UGGT1: variants seen among roughly 807,000 people sequenced by gnomAD.
The protein encoded by UGGT1 is UDP-glucose:glycoprotein glucosyltransferase 1.
UGGT1 carries 107 observed loss-of-function variants against 203.9 expected under a neutral mutation model. That is an observed-to-expected ratio of 0.52 (90% CI 0.45 to 0.62). UGGT1 has a LOEUF of 0.62. Among genes scored for constraint, UGGT1 ranks in the 20% least tolerant of loss-of-function variants. UGGT1 has a pLI of 0.00. For synonymous variants in UGGT1, 628 were observed against 653.5 expected, an observed-to-expected ratio of 0.96 and a Z score of 0.59; for missense variants, 1,673 against 1,867.2, an observed-to-expected ratio of 0.90 and a Z score of 1.92.
At chr2:128,168,403 A>C (rs1484905418) in intron 26 of UGGT1, among the ~76,000 whole-genome samples, 1 of 152,258 alleles carries the variant, frequency 6.6e-6, no homozygotes, top group Non-Finnish European at 1.5e-5. Context: ...GGTTATTTCC[A>C]AAGCAGTGAA....
intron 25 of UGGT1, 35 bp downstream of exon 25, chr2:128,161,303 T>C (rs781384101): frequency 6.2e-7 from 1 of 1,606,630 alleles, no homozygotes; most frequent in East Asian, 2.2e-5. Flanking sequence ...ACAGGGGTTA[T>C]ATAATTGGAC....
At position 128,195,125 on chromosome 2, in the gene UGGT1, A is replaced by G. The variant is rs1193762688; in HGVS notation, c.*5383A>G. ...TGTAATCCTAGCACCTTGGGAGGCC[A>G]AGGCAGGCGGATCACCCGAGGTCAG... On this transcript the variant is annotated 3_prime_UTR_variant, in exon 41 of 41. Transcript: ENST00000259253. 6.6e-6 allele frequency: 1 copy of G among 152,300 alleles called. No homozygotes were observed. The highest frequency in any genetic ancestry group is 1.9e-4 in the East Asian group (1 of 5,194). The allele number at this position is 152,300 out of a possible 1,614,324, so 9.4% of individuals were successfully genotyped here.
chr2:128,123,181 C>T lies in UGGT1; in HGVS notation c.1074-5C>T, dbSNP rs749447241. The T allele has an allele frequency of 1.9e-6, 3 of 1,611,310 alleles. No homozygotes were observed. Among genetic ancestry groups the T allele is most frequent in the Admixed American group, 1.7e-5 (1 of 59,826 alleles). Reference sequence around the variant, plus strand: ...CAAGCACTCATAATGTTTTTATTTCCTTAGAGCAATAACAAAAACAGCTGT... The same window carrying T: ...CAAGCACTCATAATGTTTTTATTTCTTTAGAGCAATAACAAAAACAGCTGT... On this transcript the variant is annotated splice_polypyrimidine_tract_variant and splice_region_variant and intron_variant, in intron 10 of 40. Transcript: ENST00000259253.
chr2:128,155,143 G>T (rs1690166502), intron 19 of UGGT1, among the ~76,000 whole-genome samples: 1 of 152,148 alleles, frequency 6.6e-6, no homozygotes, highest in Admixed American at 6.5e-5. Flanking sequence ...TACTCCACTG[G>T]TTGGACTAGG....
intron 15 of UGGT1, among the ~76,000 whole-genome samples, chr2:128,138,246 A>G (rs1048865979): frequency 6.6e-6 from 1 of 152,178 alleles, no homozygotes; most frequent in African/African-American, 2.4e-5. Context: ...GTGGCCGGGC[A>G]TGGTGGCTCA....
At chr2:128,145,652 A>G (rs1689651897) in intron 17 of UGGT1, 151 bp from the exon 18 acceptor site, 1 of 786,574 alleles carries the variant, frequency 1.3e-6, no homozygotes, top group Non-Finnish European at 1.9e-6. Context: ...GTCATTTTTC[A>G]TTTTTTTAAA....
intron 25 of UGGT1, among the ~76,000 whole-genome samples, chr2:128,162,494 C>T (rs563830323): frequency 6.6e-5 from 10 of 151,670 alleles, no homozygotes; most frequent in African/African-American, 2.4e-4. Context: ...CTGCAGAGTT[C>T]AAGAGCATGT....
intron 36 of UGGT1, 30 bp from the exon 37 acceptor site, chr2:128,182,100 G>T (rs765491623): frequency 1.9e-6 from 3 of 1,607,348 alleles, no homozygotes; most frequent in East Asian, 4.5e-5. Context: ...CTGCATGGTT[G>T]CTTAACAAAT....
chr2:128,185,689 A>G (rs909477600), intron 38 of UGGT1, among the ~76,000 whole-genome samples: 34 of 151,668 alleles, frequency 2.2e-4, no homozygotes, highest in Non-Finnish European at 4.4e-4. Context: ...TGCCCTGGCC[A>G]GTCTTGGAAC....
intron 32 of UGGT1, among the ~76,000 whole-genome samples, chr2:128,177,534 G>A (rs1209942293): frequency 5.3e-5 from 8 of 150,624 alleles, no homozygotes; most frequent in African/African-American, 1.7e-4. Flanking sequence ...TCATTGAATC[G>A]TGCTTCTGGT....
At chr2:128,137,478 A>G (rs188564764) in intron 15 of UGGT1, among the ~76,000 whole-genome samples, 24 of 152,338 alleles carry the variant, frequency 1.6e-4, no homozygotes, top group Non-Finnish European at 3.1e-4. Flanking sequence ...TTGTTTTGCA[A>G]AGATTTTCTG....
At chr2:128,108,531 AAG>A (rs1687707485) in intron 4 of UGGT1, among the ~76,000 whole-genome samples, 2 of 151,670 alleles carry the variant, frequency 1.3e-5, no homozygotes, top group Middle Eastern at 3.4e-3. Flanking sequence ...TGAAAAGAAA[AAG>A]AGGGACAGAG....
intron 25 of UGGT1, among the ~76,000 whole-genome samples, chr2:128,163,965 G>A (rs2104755384): frequency 6.6e-6 from 1 of 152,280 alleles, no homozygotes; most frequent in East Asian, 1.9e-4. Context: ...GATTGTGTGA[G>A]CCCAGGAGTT....
At chr2:128,167,982 C>T (rs1478816842) in intron 26 of UGGT1, among the ~76,000 whole-genome samples, 1 of 152,076 alleles carries the variant, frequency 6.6e-6, no homozygotes, top group African/African-American at 2.4e-5. Flanking sequence ...TGTGTAGAGT[C>T]CTTTTTGAGA....
rs764532829 is a variant in UGGT1, at chr2:128,160,500, C to G, written c.2603C>G (p.Ser868Cys). The change falls in exon 24 of 41, where the codon TCC becomes TGC. Residue 868 changes from serine (S) to cysteine (C), a missense_variant. Physicochemically the swap from Ser to Cys is moderately radical, Grantham distance 112 (BLOSUM62 -1). Transcript: ENST00000259253. ...CTTTTTAAAGAGGTCTTTGAGTCTT[C>G]CAAAATGGATTTCATTTTGTCTCAT... ...FSLFKEVFES[S>C]KMDFILSHAV... 2.7e-5 allele frequency: 43 copies of G among 1,612,098 alleles called. No homozygotes were observed. Among genetic ancestry groups the G allele is most frequent in the Non-Finnish European group, 3.5e-5 (41 of 1,179,468 alleles).
chr2:128,131,992 T>C (rs1419792926), intron 13 of UGGT1, among the ~76,000 whole-genome samples: 1 of 152,182 alleles, frequency 6.6e-6, no homozygotes, highest in Non-Finnish European at 1.5e-5. Flanking sequence ...TCCAGTTCTC[T>C]AAAGTGTTTG....
At chr2:128,172,325 G>A (rs529131728) in intron 28 of UGGT1, among the ~76,000 whole-genome samples, 2 of 152,212 alleles carry the variant, frequency 1.3e-5, no homozygotes, top group South Asian at 2.1e-4. Context: ...TCATTGCTAC[G>A]ACATCACCAC....
chr2:128,112,587 GTTT>G (rs58357771), intron 5 of UGGT1, among the ~76,000 whole-genome samples: 2 of 123,312 alleles, frequency 1.6e-5, no homozygotes, highest in Non-Finnish European at 1.8e-5. Context: ...TATTTTATTC[GTTT>G]TTTTTTTTTT....
rs1011618512 is a variant in UGGT1 at position 128,131,258 on chromosome 2, A to T, written c.1378-1883A>T. Among the ~76,000 whole-genome samples the T allele has an allele frequency of 1.6e-3, 200 of 125,862 alleles. 5 individuals carry two copies. In the East Asian group the frequency reaches 0.047, roughly 30 times the overall value. 82.6% of individuals were successfully genotyped at this position (125,862 alleles called of 152,430 possible). A position where few individuals can be genotyped will look rare whatever the true frequency, so the allele number is the denominator to read the frequency against. The stretch of plus-strand genomic sequence containing the variant: ...CAAAAAAAAAAAAAAAAAAAAAAAA[A>T]ATTGGGATAATCCAGTCAGGCGCGG... On this transcript the variant is annotated intron_variant, in intron 13 of 40. Coordinates refer to ENST00000259253, the MANE Select transcript of UGGT1 (RefSeq NM_020120.4).
Sources: allele counts gnomAD v4.1 joint callset (sites outside exome capture counted in the v4.1 genomes callset), GRCh38; gene constraint gnomAD v4.1.1; transcripts MANE v1.5; gene names NCBI Gene and HGNC (gene_info 2026-07-23, HGNC 2026-07-21).